The following STPG2 variants were observed in gnomAD, a reference collection of about 807,000 sequenced individuals.
The protein encoded by STPG2 is sperm-tail PG-rich repeat-containing protein 2.
In STPG2, 56 loss-of-function variants were observed where a neutral mutation model predicts 54.2. That is an observed-to-expected ratio of 1.03 (90% confidence interval 0.83 to 1.29). The LOEUF (loss-of-function observed/expected upper bound fraction) is 1.29, where lower values mean the gene tolerates loss of function less well. Among genes scored for constraint, STPG2 ranks in the 50% most tolerant of loss-of-function variants. STPG2 has a pLI of 0.00. For missense variants in STPG2, 596 were observed against 544.9 expected (o/e 1.09, Z -0.93); for synonymous variants, 200 against 181.8 (o/e 1.10, Z -0.81).
chr4:98,086,720 C>G (rs1328828439), intron 5 of STPG2, among the ~76,000 whole-genome samples: 1 of 144,590 alleles, frequency 6.9e-6, no homozygotes, highest in African/African-American at 2.5e-5. Context: ...AGTTTCCAGT[C>G]TTAACCATTG....
intron 9 of STPG2, among the ~76,000 whole-genome samples, chr4:97,789,214 A>T (rs1379626207): frequency 4.6e-5 from 7 of 152,030 alleles, no homozygotes; most frequent in Admixed American, 2.0e-4. Context: ...TAAGAGAAAA[A>T]AAGAGGTATA....
intron 9 of STPG2, among the ~76,000 whole-genome samples, chr4:97,793,757 T>C (rs1578569350): frequency 6.6e-6 from 1 of 152,176 alleles, no homozygotes; most frequent in South Asian, 2.1e-4. Flanking sequence ...TGGATATTGA[T>C]GAAATACAAA....
intron 4 of STPG2, among the ~76,000 whole-genome samples, chr4:97,444,370 T>C (rs919602443): frequency 6.6e-6 from 1 of 152,160 alleles, no homozygotes; most frequent in Admixed American, 6.5e-5. Flanking sequence ...AAATTGACTT[T>C]TTTTAACGCA....
intron 5 of STPG2, among the ~76,000 whole-genome samples, chr4:98,016,974 G>C (rs1156445659): frequency 4.6e-5 from 7 of 152,160 alleles, no homozygotes. Context: ...AGGTCCACAG[G>C]TCAGGTAGGC....
chr4:97,998,774 T>G (rs939645990), intron 5 of STPG2, among the ~76,000 whole-genome samples: 4 of 152,146 alleles, frequency 2.6e-5, no homozygotes, highest in Non-Finnish European at 4.4e-5. Context: ...TGGTGCTAGT[T>G]AGGTAATAAT....
chr4:97,528,185 A>C (rs1371161859), intron 4 of STPG2, among the ~76,000 whole-genome samples: 1 of 152,172 alleles, frequency 6.6e-6, no homozygotes, highest in East Asian at 1.9e-4. Context: ...TATAAGGTGT[A>C]AGAAACGGAT....
intron 9 of STPG2, among the ~76,000 whole-genome samples, chr4:97,817,021 T>C (rs1190118330): frequency 6.7e-6 from 1 of 148,400 alleles, no homozygotes; most frequent in Non-Finnish European, 1.5e-5. Flanking sequence ...ATTGGTTCTG[T>C]TTTTCTGGAG....
At chr4:98,022,293 A>T (rs1736239511) in intron 5 of STPG2, among the ~76,000 whole-genome samples, 1 of 151,050 alleles carries the variant, frequency 6.6e-6, no homozygotes, top group Non-Finnish European at 1.5e-5. Flanking sequence ...GTTTGGCTGG[A>T]TATGAAATTC....
At chr4:97,661,513 T>C (rs981985309) in intron 10 of STPG2, among the ~76,000 whole-genome samples, 5 of 152,130 alleles carry the variant, frequency 3.3e-5, no homozygotes, top group Admixed American at 3.3e-4. Flanking sequence ...GGCTGAAAGT[T>C]TGAAGAACAA....
chr4:97,987,346 C>T (rs572583842), intron 5 of STPG2, among the ~76,000 whole-genome samples: 3 of 152,162 alleles, frequency 2.0e-5, no homozygotes, highest in East Asian at 1.9e-4. Context: ...ATACAGCTAG[C>T]TTGTCTCTAA....
intron 4 of STPG2, among the ~76,000 whole-genome samples, chr4:97,480,477 T>C (rs1173418934): frequency 6.6e-6 from 1 of 151,582 alleles, no homozygotes; most frequent in African/African-American, 2.4e-5. Context: ...CTGTAATACC[T>C]CAATACAAAA....
At chr4:97,870,905 A>G (rs914046228) in intron 8 of STPG2, among the ~76,000 whole-genome samples, 4 of 151,278 alleles carry the variant, frequency 2.6e-5, no homozygotes. Flanking sequence ...AAAATCATAC[A>G]TTTTATGTCA....
chr4:97,857,702 A>G (rs958090078), intron 8 of STPG2, among the ~76,000 whole-genome samples: 2 of 151,968 alleles, frequency 1.3e-5, no homozygotes, highest in Non-Finnish European at 2.9e-5. Context: ...AACAAGGCAC[A>G]AGAGACCAAT....
At chr4:97,477,300 G>A (rs148598594) in intron 4 of STPG2, among the ~76,000 whole-genome samples, 9 of 152,016 alleles carry the variant, frequency 5.9e-5, no homozygotes, top group Admixed American at 1.3e-4. Flanking sequence ...TTATCATTTC[G>A]TATAACAGTT....
intron 8 of STPG2, among the ~76,000 whole-genome samples, chr4:97,897,429 G>C (rs548427689): frequency 6.6e-6 from 1 of 152,146 alleles, no homozygotes; most frequent in East Asian, 1.9e-4. Flanking sequence ...CCCAGTAATG[G>C]GATCGCTGAG....
intron 8 of STPG2, among the ~76,000 whole-genome samples, chr4:97,887,917 T>A (rs999424745): frequency 6.6e-6 from 1 of 152,128 alleles, no homozygotes; most frequent in Non-Finnish European, 1.5e-5. Flanking sequence ...TCCCAGCCAC[T>A]CCAGCCTCAG....
chr4:98,124,301 G>A (rs1341282485), intron 3 of STPG2, among the ~76,000 whole-genome samples: 1 of 152,162 alleles, frequency 6.6e-6, no homozygotes, highest in Admixed American at 6.5e-5. Flanking sequence ...GTGTGTTTGT[G>A]TAGTGGCCAG....
At chr4:97,453,228 G>A (rs1729423538) in intron 4 of STPG2, among the ~76,000 whole-genome samples, 2 of 152,226 alleles carry the variant, frequency 1.3e-5, no homozygotes, top group South Asian at 4.1e-4. Context: ...AGCTGCTTGT[G>A]GTGCACCTGG....
chr4:97,653,913 T>G (rs1004356967), intron 10 of STPG2, among the ~76,000 whole-genome samples: 1 of 152,140 alleles, frequency 6.6e-6, no homozygotes, highest in African/African-American at 2.4e-5. Flanking sequence ...TGGTAACAGT[T>G]TGATCCCACA....
Sources: allele counts gnomAD v4.1 joint callset (sites outside exome capture counted in the v4.1 genomes callset), GRCh38; gene constraint gnomAD v4.1.1; transcripts MANE v1.5; gene names NCBI Gene and HGNC (gene_info 2026-07-23, HGNC 2026-07-21).